Variants in DPP10 observed in about 807,000 individuals in gnomAD.
The protein encoded by DPP10 is inactive dipeptidyl peptidase 10.
A neutral mutation model predicts 120.9 loss-of-function variants in DPP10; 33 were observed. The ratio of observed to expected loss-of-function variants is 0.27; its 90% CI spans 0.21 to 0.37. DPP10 has a LOEUF of 0.37. Ranked by LOEUF, DPP10 falls within the 10% of genes least tolerant of loss-of-function variation. The pLI, the probability that DPP10 is intolerant of heterozygous loss-of-function variation, is 1.00. For synonymous variants in DPP10, 337 were observed against 326.1 expected, an observed-to-expected ratio of 1.03 and a Z score of -0.36; for missense variants, 816 against 942.8, an observed-to-expected ratio of 0.87 and a Z score of 1.76.
intron 1 of DPP10, among the ~76,000 whole-genome samples, chr2:114,489,268 A>T (rs1681777717): frequency 6.6e-6 from 1 of 152,080 alleles, no homozygotes. Flanking sequence ...ACTAATATTA[A>T]ACACAGAGAC....
chr2:114,611,632 T>G (rs1693297111), intron 1 of DPP10, among the ~76,000 whole-genome samples: 1 of 152,228 alleles, frequency 6.6e-6, no homozygotes, highest in Non-Finnish European at 1.5e-5. Context: ...AAAAACAACT[T>G]TTCTAATAGT....
intron 1 of DPP10, among the ~76,000 whole-genome samples, chr2:115,189,848 T>C (rs745614029): frequency 6.6e-6 from 1 of 152,176 alleles, no homozygotes; most frequent in African/African-American, 2.4e-5. Context: ...ATCGAGGCTA[T>C]GATTCCTTTC....
At chr2:115,189,301 C>T (rs535132389) in intron 1 of DPP10, among the ~76,000 whole-genome samples, 11 of 152,008 alleles carry the variant, frequency 7.2e-5, no homozygotes, top group Admixed American at 2.0e-4. Context: ...GCCGGAGTGG[C>T]GGGGTGAGTA....
intron 14 of DPP10, among the ~76,000 whole-genome samples, 178 bp downstream of exon 14, chr2:115,777,477 ATG>A (rs1448746019): frequency 1.3e-5 from 2 of 151,994 alleles, no homozygotes; most frequent in African/African-American, 4.8e-5. Flanking sequence ...ACACAGAGGG[ATG>A]TGTGTGTGCA....
rs114100097 is a variant in DPP10, at chr2:114,983,965, C to T, written c.61-325274C>T. On this transcript the variant is annotated intron_variant, in intron 1 of 25. Coordinates refer to ENST00000410059, the MANE Select transcript of DPP10 (RefSeq NM_020868.6). ...ATGCTTTGACTTAACCACTCTTACA[C>T]CGCCTCTCCATGCAAATTGCTGTTG... Among the ~76,000 whole-genome samples the T allele has an allele frequency of 3.2e-3, 492 of 152,276 alleles. 1 individual carries two copies. Among genetic ancestry groups the T allele is most frequent in the African/African-American group, 0.012 (480 of 41,548 alleles).
chr2:115,506,718 A>C (rs1230489507), intron 4 of DPP10, among the ~76,000 whole-genome samples: 1 of 152,140 alleles, frequency 6.6e-6, no homozygotes, highest in Non-Finnish European at 1.5e-5. Context: ...ATCTATGTAT[A>C]GATCTATCTA....
At position 114,898,400 on chromosome 2, in the gene DPP10, A is replaced by G. The variant is rs547469604; in HGVS notation, c.61-410839A>G. Among the ~76,000 whole-genome samples, 352 of 152,278 alleles carry G rather than the reference A, an allele frequency of 2.3e-3. 3 individuals are homozygous for G. Among genetic ancestry groups the G allele is most frequent in the African/African-American group, 8.0e-3 (333 of 41,554 alleles). ...CTTTAGGAGATATACCTAATGCTAA[A>G]TGATGAGTTAATGGGTGCAGCACAC... On this transcript the variant is annotated intron_variant, in intron 1 of 25. Transcript: ENST00000410059.
intron 1 of DPP10, among the ~76,000 whole-genome samples, chr2:114,701,808 G>T (rs1357356681): frequency 6.6e-6 from 1 of 152,128 alleles, no homozygotes; most frequent in African/African-American, 2.4e-5. Flanking sequence ...ACACTGTCAA[G>T]ATGGTAAAAT....
At chr2:115,460,538 T>C (rs1165435753) in intron 3 of DPP10, among the ~76,000 whole-genome samples, 1 of 152,216 alleles carries the variant, frequency 6.6e-6, no homozygotes. Context: ...TTTACAAATA[T>C]ATTCAAGTTT....
chr2:115,133,400 A>G (rs1416438651), intron 1 of DPP10, among the ~76,000 whole-genome samples: 1 of 151,872 alleles, frequency 6.6e-6, no homozygotes, highest in Non-Finnish European at 1.5e-5. Context: ...AACATTGGGT[A>G]CTTACCAGAG....
Position 115,320,127 on chromosome 2 carries a change from G to T in DPP10, c.175+10774G>T, listed in dbSNP as rs549897774. On this transcript the variant is annotated intron_variant, in intron 2 of 25. Transcript: ENST00000410059. ...TTTAATGACCATTTTTCAATATATA[G>T]TATCACTTCTTCTCATAACAATTTT... 3.9e-5 allele frequency among the ~76,000 whole-genome samples: 6 copies of T among 152,096 alleles called. No homozygotes were observed. The East Asian group carries it at 1.2e-3, about 29-fold the overall frequency.
intron 1 of DPP10, among the ~76,000 whole-genome samples, chr2:114,644,679 T>C (rs1695986864): frequency 6.6e-6 from 1 of 151,972 alleles, no homozygotes; most frequent in African/African-American, 2.4e-5. Flanking sequence ...TGACCTAAGT[T>C]GGAGAATGCT....
chr2:115,268,946 A>C (rs1346267828), intron 1 of DPP10, among the ~76,000 whole-genome samples: 1 of 152,186 alleles, frequency 6.6e-6, no homozygotes, highest in African/African-American at 2.4e-5. Flanking sequence ...CAGGAGTTCA[A>C]GACCAGCTTG....
At chr2:114,706,846 G>A (rs980751443) in intron 1 of DPP10, among the ~76,000 whole-genome samples, 2 of 151,526 alleles carry the variant, frequency 1.3e-5, no homozygotes, top group Non-Finnish European at 3.0e-5. Context: ...GCAAAAAGAA[G>A]AGTGTCATTT....
At chr2:115,036,447 A>G (rs928839914) in intron 1 of DPP10, among the ~76,000 whole-genome samples, 8 of 152,190 alleles carry the variant, frequency 5.3e-5, no homozygotes, top group Non-Finnish European at 1.0e-4. Context: ...TTATGTTATT[A>G]TTTTGTTATT....
chr2:114,446,679 C>G (rs1677962201), intron 1 of DPP10, among the ~76,000 whole-genome samples: 1 of 152,174 alleles, frequency 6.6e-6, no homozygotes, highest in Non-Finnish European at 1.5e-5. Flanking sequence ...TTAAACGAAT[C>G]TTTAAGATTT....
intron 1 of DPP10, among the ~76,000 whole-genome samples, chr2:115,283,421 T>C (rs578000726): frequency 6.6e-6 from 1 of 152,202 alleles, no homozygotes; most frequent in African/African-American, 2.4e-5. Flanking sequence ...ATTCTTCTCA[T>C]ACTAATTATT....
chr2:115,122,379 C>A (rs896737241), intron 1 of DPP10, among the ~76,000 whole-genome samples: 2 of 152,224 alleles, frequency 1.3e-5, no homozygotes, highest in East Asian at 3.9e-4. Flanking sequence ...GTACCCCTAA[C>A]CTTGGTCCCA....
chr2:115,653,412 G>C (rs1231324781), intron 5 of DPP10, among the ~76,000 whole-genome samples: 1 of 151,894 alleles, frequency 6.6e-6, no homozygotes, highest in Non-Finnish European at 1.5e-5. Context: ...AGCACCAGTA[G>C]TTCACTTTTA....
Sources: gnomAD v4.1 joint callset for allele counts (sites outside exome capture counted in the v4.1 genomes callset) on GRCh38, gnomAD v4.1.1 for gene constraint, MANE v1.5 for transcripts, NCBI Gene and HGNC (gene_info 2026-07-23, HGNC 2026-07-21) for gene names.